TTC7A: variants seen among roughly 807,000 people sequenced by gnomAD.
TTC7A encodes the protein tetratricopeptide repeat domain 7A, also known as tetratricopeptide repeat protein 7A.
A neutral mutation model predicts 103.7 loss-of-function variants in TTC7A; 110 were observed. That is an observed-to-expected ratio of 1.06 (90% CI 0.91 to 1.24). The LOEUF (loss-of-function observed/expected upper bound fraction) is 1.24, where lower values mean the gene tolerates loss of function less well. TTC7A is among the 50% of genes most tolerant of loss of function. The pLI is 0.00. For missense variants in TTC7A, 1,340 were observed against 1,116.3 expected, an observed-to-expected ratio of 1.20 and a Z score of -2.86; for synonymous variants, 521 against 467.9, an observed-to-expected ratio of 1.11 and a Z score of -1.47.
intron 2 of TTC7A, among the ~76,000 whole-genome samples, chr2:46,926,522 G>A (rs899074779): frequency 2.0e-5 from 3 of 152,200 alleles, no homozygotes; most frequent in African/African-American, 4.8e-5. Context: ...GAATAGATGA[G>A]CCTTCTCATG....
At chr2:47,042,910 G>T (rs1456731455) in intron 15 of TTC7A, among the ~76,000 whole-genome samples, 6 of 152,196 alleles carry the variant, frequency 3.9e-5, no homozygotes, top group Non-Finnish European at 8.8e-5. Flanking sequence ...GGGAGCCTAG[G>T]CTTGCCTACT....
At chr2:47,072,190 G>A (rs1430948444) in intron 19 of TTC7A, among the ~76,000 whole-genome samples, 1 of 152,156 alleles carries the variant, frequency 6.6e-6, no homozygotes, top group African/African-American at 2.4e-5. Flanking sequence ...AGTCAGCACC[G>A]CTCCCATCTG....
chr2:46,980,587 C>G (rs904348097), intron 5 of TTC7A, among the ~76,000 whole-genome samples: 1 of 152,212 alleles, frequency 6.6e-6, no homozygotes, highest in Non-Finnish European at 1.5e-5. Context: ...ACAACCAGTT[C>G]TCTGACACCA....
At chr2:46,961,604 T>A (rs901177955) in intron 3 of TTC7A, among the ~76,000 whole-genome samples, 1 of 144,758 alleles carries the variant, frequency 6.9e-6, no homozygotes, top group Non-Finnish European at 1.5e-5. Context: ...AATAAATAAA[T>A]AAAATAAAAA....
rs1367822583 is a variant in TTC7A, at chr2:47,060,904, A to C, written c.2288A>C (p.Glu763Ala). 3 of 1,614,154 alleles carry C rather than the reference A, an allele frequency of 1.9e-6. No individual in the cohort carries two copies. Among genetic ancestry groups the C allele is most frequent in the Admixed American group, 1.7e-5 (1 of 60,028 alleles). Residue 763 changes from glutamate to alanine, a missense_variant, in exon 19 of 20, where the codon GAG (glutamate) becomes GCG (alanine). Physicochemically the swap from Glu to Ala is moderately radical, Grantham distance 107. Transcript: ENST00000319190. ...GCTGAGGTGAAGGGCAACCTGGAGGAGGCCAAGCAGCTGTACAAGGAGGCG... is the reference window on the plus strand; with the variant it reads ...GCTGAGGTGAAGGGCAACCTGGAGGCGGCCAAGCAGCTGTACAAGGAGGCG... The part of the protein sequence containing the change: ...RLAEVKGNLE[E>A]AKQLYKEALT...
intron 3 of TTC7A, among the ~76,000 whole-genome samples, chr2:46,969,461 C>T (rs957399267): frequency 6.6e-6 from 1 of 151,920 alleles, no homozygotes; most frequent in African/African-American, 2.4e-5. Context: ...GAGCCGAGAT[C>T]GCGCCACTGC....
intron 4 of TTC7A, among the ~76,000 whole-genome samples, chr2:46,976,077 G>A (rs905028790): frequency 6.6e-6 from 1 of 151,380 alleles, no homozygotes; most frequent in African/African-American, 2.4e-5. Context: ...GCCATGAGGG[G>A]CCCTTGGTTC....
intron 11 of TTC7A, among the ~76,000 whole-genome samples, chr2:47,019,100 C>T (rs1325862357): frequency 6.6e-6 from 1 of 152,234 alleles, no homozygotes; most frequent in East Asian, 1.9e-4. Flanking sequence ...TTGCCAGCTA[C>T]AGTACCCATG....
At chr2:47,066,945 C>G (rs777312895) in intron 19 of TTC7A, among the ~76,000 whole-genome samples, 10 of 152,132 alleles carry the variant, frequency 6.6e-5, no homozygotes, top group Non-Finnish European at 1.2e-4. Context: ...AGTCAAAGAT[C>G]GAGGGGCACA....
chr2:46,981,800 T>A (rs1267309457), intron 5 of TTC7A, among the ~76,000 whole-genome samples: 1 of 152,216 alleles, frequency 6.6e-6, no homozygotes, highest in Non-Finnish European at 1.5e-5. Context: ...ATGGAGCTGC[T>A]TATCAGTAAC....
intron 10 of TTC7A, among the ~76,000 whole-genome samples, chr2:47,008,245 T>G (rs1245159768): frequency 6.6e-6 from 1 of 152,206 alleles, no homozygotes; most frequent in Non-Finnish European, 1.5e-5. Flanking sequence ...CGCACCCTTC[T>G]GTGGGTCCTG....
intron 1 of TTC7A, among the ~76,000 whole-genome samples, chr2:46,945,686 C>T (rs983248613): frequency 6.6e-6 from 1 of 152,162 alleles, no homozygotes; most frequent in African/African-American, 2.4e-5. Context: ...CCACCGTGCC[C>T]GGTCTTTGAG....
chr2:47,018,602 C>G (rs1285196897), intron 11 of TTC7A, among the ~76,000 whole-genome samples: 1 of 146,106 alleles, frequency 6.8e-6, no homozygotes, highest in Non-Finnish European at 1.5e-5. Flanking sequence ...AAAAAAAAAG[C>G]TTATATTATT....
intron 8 of TTC7A, among the ~76,000 whole-genome samples, chr2:46,995,606 G>T (rs17540157): frequency 0.17 from 25,553 of 152,170 alleles, 2,348 homozygotes; most frequent in Admixed American, 0.19. Context: ...ATGGAATCAG[G>T]TTCCAGTTCT....
chr2:46,993,777 T>C (rs1675876012), intron 6 of TTC7A, among the ~76,000 whole-genome samples: 4 of 152,194 alleles, frequency 2.6e-5, no homozygotes, highest in Admixed American at 2.6e-4. Flanking sequence ...AGCGCTTCCC[T>C]GGGCAAACTG....
chr2:46,966,892 T>C (rs1020788951), intron 3 of TTC7A, among the ~76,000 whole-genome samples: 3 of 86,644 alleles, frequency 3.5e-5, no homozygotes, highest in African/African-American at 1.1e-4. Flanking sequence ...AAATTGCCTG[T>C]GTTTTTTGTT....
At chr2:46,959,599 G>GC (rs983418675) in intron 3 of TTC7A, among the ~76,000 whole-genome samples, 27 of 152,150 alleles carry the variant, frequency 1.8e-4, no homozygotes, top group South Asian at 1.5e-3. Context: ...CTGTCTCTTC[G>GC]CCCCCACCCT....
At chr2:46,965,959 T>G (rs2104122057) in intron 3 of TTC7A, among the ~76,000 whole-genome samples, 1 of 151,988 alleles carries the variant, frequency 6.6e-6, no homozygotes, top group East Asian at 1.9e-4. Flanking sequence ...GCATACTTTT[T>G]TTTTTCTTGA....
chr2:46,932,419 G>A (rs539154022), intron 2 of TTC7A, among the ~76,000 whole-genome samples: 13 of 152,230 alleles, frequency 8.5e-5, no homozygotes, highest in Admixed American at 7.8e-4. Context: ...AAAGTGCTGG[G>A]ATTACAGGCG....
Sources: allele counts gnomAD v4.1 joint callset (sites outside exome capture counted in the v4.1 genomes callset), GRCh38; gene constraint gnomAD v4.1.1; transcripts MANE v1.5; gene names NCBI Gene and HGNC (gene_info 2026-07-23, HGNC 2026-07-21).